NCKAP5: variants seen among roughly 807,000 people sequenced by gnomAD.
The protein encoded by NCKAP5 is NCK associated protein 5.
In NCKAP5, 92 loss-of-function variants were observed where a neutral mutation model predicts 167.0. The observed-to-expected ratio is 0.55, with a 90% CI of 0.47 to 0.66. The LOEUF (loss-of-function observed/expected upper bound fraction) is 0.66, where lower values mean the gene tolerates loss of function less well. Ranked by LOEUF, NCKAP5 falls within the 30% of genes least tolerant of loss-of-function variation. NCKAP5 has a pLI of 0.00. For missense variants in NCKAP5, 2,378 were observed against 2,315.0 expected, an observed-to-expected ratio of 1.03 and a Z score of -0.56; for synonymous variants, 891 against 877.4, an observed-to-expected ratio of 1.02 and a Z score of -0.27.
intron 3 of NCKAP5, among the ~76,000 whole-genome samples, chr2:133,311,439 C>T (rs1474419313): frequency 6.6e-6 from 1 of 152,182 alleles, no homozygotes. Flanking sequence ...TATCTGGAAG[C>T]CCCTTGAGCC....
the NCKAP5 span, among the ~76,000 whole-genome samples, chr2:133,661,181 T>C: frequency 7.6e-3 from 1,157 of 151,954 alleles, 6 homozygotes; most frequent in South Asian, 0.013. Context: ...TGTAGGTGGG[T>C]GCGAAGAAGA....
chr2:133,103,614 C>T (rs1374334796), intron 6 of NCKAP5, among the ~76,000 whole-genome samples: 1 of 152,074 alleles, frequency 6.6e-6, no homozygotes, highest in African/African-American at 2.4e-5. Context: ...GTGAAGACAG[C>T]AAGACCCTGT....
chr2:133,016,863 G>A (rs1466477507), intron 6 of NCKAP5, among the ~76,000 whole-genome samples: 2 of 152,108 alleles, frequency 1.3e-5, no homozygotes, highest in African/African-American at 2.4e-5. Flanking sequence ...ATGTGGCAAT[G>A]CAATATTTAT....
chr2:133,220,872 A>C (rs1477385923), intron 4 of NCKAP5, among the ~76,000 whole-genome samples: 1 of 152,160 alleles, frequency 6.6e-6, no homozygotes, highest in East Asian at 1.9e-4. Flanking sequence ...ACTTATACCC[A>C]ACCTGAATGG....
At chr2:132,936,533 A>G (rs552490874) in intron 8 of NCKAP5, among the ~76,000 whole-genome samples, 2 of 152,220 alleles carry the variant, frequency 1.3e-5, no homozygotes, top group Non-Finnish European at 2.9e-5. Flanking sequence ...TTTATTTTTC[A>G]ACACCATCTC....
chr2:133,637,678 T>A, the NCKAP5 span, among the ~76,000 whole-genome samples: 40 of 152,090 alleles, frequency 2.6e-4, no homozygotes, highest in South Asian at 8.1e-3. Flanking sequence ...GGAAGAAAAC[T>A]TTTTAAAAGT....
At chr2:132,883,744 A>G (rs1371613272) in intron 8 of NCKAP5, among the ~76,000 whole-genome samples, 2 of 152,128 alleles carry the variant, frequency 1.3e-5, no homozygotes, top group Admixed American at 1.3e-4. Flanking sequence ...GGTATCTGGT[A>G]TTTATTTTTC....
chr2:133,314,323 G>C (rs1025919117), intron 3 of NCKAP5, among the ~76,000 whole-genome samples: 4 of 152,166 alleles, frequency 2.6e-5, no homozygotes. Context: ...AAACACATTT[G>C]TTTGCTGCTA....
At chr2:133,335,238 C>T (rs992576428) in intron 3 of NCKAP5, among the ~76,000 whole-genome samples, 5 of 152,206 alleles carry the variant, frequency 3.3e-5, no homozygotes, top group South Asian at 2.1e-4. Flanking sequence ...ATAATCACTG[C>T]GTTATAGTCT....
intron 4 of NCKAP5, among the ~76,000 whole-genome samples, chr2:133,299,658 G>A (rs1680229017): frequency 6.6e-6 from 1 of 152,160 alleles, no homozygotes; most frequent in African/African-American, 2.4e-5. Flanking sequence ...GGCTGAGGCA[G>A]GAGAACTGCT....
At chr2:133,586,080 A>G in the NCKAP5 span, among the ~76,000 whole-genome samples, 1 of 152,226 alleles carries the variant, frequency 6.6e-6, no homozygotes, top group Non-Finnish European at 1.5e-5. Context: ...TTCCTTCTCA[A>G]CATCTTTAGC....
intron 6 of NCKAP5, chr2:133,123,017 C>A (rs1389120764): frequency 3.3e-5 from 5 of 152,154 alleles, no homozygotes; most frequent in African/African-American, 9.7e-5. Flanking sequence ...TACACTGACA[C>A]CAGGTCCTGG....
chr2:133,532,609 G>A (rs1438266552), intron 2 of NCKAP5, among the ~76,000 whole-genome samples: 3 of 152,176 alleles, frequency 2.0e-5, no homozygotes, highest in East Asian at 3.9e-4. Context: ...TTTATTCAGG[G>A]TTCCTCCTAT....
At chr2:133,583,101 A>G in the NCKAP5 span, among the ~76,000 whole-genome samples, 1 of 150,780 alleles carries the variant, frequency 6.6e-6, no homozygotes, top group Non-Finnish European at 1.5e-5. Context: ...TCAAAAGGAA[A>G]TAAATAGACC....
chr2:133,499,685 G>A (rs1467055589), intron 3 of NCKAP5, among the ~76,000 whole-genome samples: 3 of 152,106 alleles, frequency 2.0e-5, no homozygotes, highest in South Asian at 2.1e-4. Context: ...TCAGCCTCCC[G>A]AGTAGGTGGG....
chr2:133,563,754 T>A, intron 1 of NCKAP5, among the ~76,000 whole-genome samples: 1 of 152,128 alleles, frequency 6.6e-6, no homozygotes, highest in East Asian at 1.9e-4. Flanking sequence ...TCGGGGCAGA[T>A]GTGAATGACC....
chr2:133,279,473 C>A (rs2089860343), intron 4 of NCKAP5, among the ~76,000 whole-genome samples: 1 of 152,212 alleles, frequency 6.6e-6, no homozygotes, highest in Non-Finnish European at 1.5e-5. Context: ...AGTTCTCCTA[C>A]ATAACTAATA....
At chr2:133,072,655 G>C (rs1227374205) in intron 6 of NCKAP5, among the ~76,000 whole-genome samples, 3 of 152,130 alleles carry the variant, frequency 2.0e-5, no homozygotes, top group African/African-American at 7.2e-5. Flanking sequence ...GTAAGCAACT[G>C]TGTGCCAGGA....
intron 2 of NCKAP5, among the ~76,000 whole-genome samples, chr2:133,558,771 C>G (rs985069042): frequency 1.4e-5 from 2 of 143,004 alleles, no homozygotes; most frequent in Non-Finnish European, 1.5e-5. Flanking sequence ...GACCCAGAAG[C>G]GGATTGGGGG....
Sources: gnomAD v4.1 joint callset for allele counts (sites outside exome capture counted in the v4.1 genomes callset) on GRCh38, gnomAD v4.1.1 for gene constraint, MANE v1.5 for transcripts, NCBI Gene and HGNC (gene_info 2026-07-23, HGNC 2026-07-21) for gene names.